PPP1R1C: variants seen among roughly 807,000 people sequenced by gnomAD.
The protein encoded by PPP1R1C is protein phosphatase 1 regulatory subunit 1C.
PPP1R1C carries 15 observed loss-of-function variants against 17.4 expected under a neutral mutation model. The ratio of observed to expected loss-of-function variants is 0.86; its 90% CI spans 0.58 to 1.33. The LOEUF is 1.33. Ranked by LOEUF, PPP1R1C falls within the 40% of genes most tolerant of loss-of-function variation. The pLI, the probability that PPP1R1C is intolerant of heterozygous loss-of-function variation, is 0.00. For missense variants in PPP1R1C, 143 were observed against 130.0 expected (o/e 1.10, Z -0.48); for synonymous variants, 35 against 43.1 (o/e 0.81, Z 0.73).
chr2:181,955,996 T>C (rs935603974), intron 1 of PPP1R1C, among the ~76,000 whole-genome samples: 7 of 152,170 alleles, frequency 4.6e-5, no homozygotes, highest in African/African-American at 1.7e-4. Context: ...CCATCATCTA[T>C]GTTAGGTATT....
chr2:182,053,173 T>G (rs1051919211), intron 2 of PPP1R1C, among the ~76,000 whole-genome samples: 24 of 152,202 alleles, frequency 1.6e-4, no homozygotes, highest in African/African-American at 5.8e-4. Context: ...TAGGACAAAA[T>G]TAGCTTTGGA....
chr2:182,110,303 T>A (rs1363668363), intron 4 of PPP1R1C, among the ~76,000 whole-genome samples: 1 of 152,174 alleles, frequency 6.6e-6, no homozygotes, highest in Non-Finnish European at 1.5e-5. Flanking sequence ...CATTGTTATA[T>A]GTTAATTAAA....
At chr2:182,040,119 A>G (rs1442574785) in intron 2 of PPP1R1C, among the ~76,000 whole-genome samples, 1 of 152,210 alleles carries the variant, frequency 6.6e-6, no homozygotes, top group East Asian at 1.9e-4. Context: ...AAACATATGC[A>G]TGTGGGTGCT....
At chr2:182,076,878 A>C (rs2125209584) in intron 4 of PPP1R1C, among the ~76,000 whole-genome samples, 1 of 152,300 alleles carries the variant, frequency 6.6e-6, no homozygotes, top group South Asian at 2.1e-4. Flanking sequence ...AAAGATTCTT[A>C]GCCTATCTGA....
chr2:182,065,346 G>A (rs1248917500), intron 4 of PPP1R1C, among the ~76,000 whole-genome samples: 1 of 152,014 alleles, frequency 6.6e-6, no homozygotes, highest in Non-Finnish European at 1.5e-5. Context: ...TATTTTATTT[G>A]GTTTACCTGT....
In PPP1R1C at chr2:182,126,517, A is replaced by C. The variant is rs1689878678; in HGVS notation, c.*7-2457A>C. Among the ~76,000 whole-genome samples the C allele has an allele frequency of 2.0e-5, 3 of 152,038 alleles. No individual in the cohort carries two copies. The South Asian group carries it at 6.2e-4, about 32-fold the overall frequency. ...TATATCAGAGAAGAGCTTTATAAAA[A>C]TGCTAGGGGGAATGTTTGGTTTTAA... On this transcript the variant is annotated intron_variant, in intron 5 of 5. Transcript: ENST00000280295.
intron 4 of PPP1R1C, among the ~76,000 whole-genome samples, chr2:182,071,706 T>A (rs141441633): frequency 6.6e-6 from 1 of 152,238 alleles, no homozygotes; most frequent in Non-Finnish European, 1.5e-5. Context: ...TTGATTTATC[T>A]GTTCATTTAT....
intron 4 of PPP1R1C, among the ~76,000 whole-genome samples, chr2:182,072,535 C>G (rs1380177027): frequency 6.6e-6 from 1 of 152,062 alleles, no homozygotes; most frequent in Non-Finnish European, 1.5e-5. Flanking sequence ...AGCAGGGTTC[C>G]CATGTTAAGT....
At chr2:182,124,974 A>G (rs1689839713) in intron 5 of PPP1R1C, among the ~76,000 whole-genome samples, 1 of 151,864 alleles carries the variant, frequency 6.6e-6, no homozygotes. Context: ...CTTGCATAAG[A>G]CAAAGTTTTC....
intron 2 of PPP1R1C, among the ~76,000 whole-genome samples, chr2:181,996,171 C>T (rs1478120471): frequency 6.6e-6 from 1 of 152,160 alleles, no homozygotes; most frequent in Non-Finnish European, 1.5e-5. Flanking sequence ...TTACCTTTTG[C>T]AGTTGTTGCT....
chr2:182,081,327 A>AT (rs1190506300), intron 4 of PPP1R1C, among the ~76,000 whole-genome samples: 1 of 152,072 alleles, frequency 6.6e-6, no homozygotes, highest in African/African-American at 2.4e-5. Context: ...GTATTGTATA[A>AT]TTTTTTTTCA....
chr2:182,123,695 G>A lies in PPP1R1C; in HGVS notation c.*7-5279G>A, dbSNP rs368475445. On this transcript the variant is annotated intron_variant, in intron 5 of 5. Transcript: ENST00000280295. The stretch of plus-strand genomic sequence containing the variant: ...CGTATCCTTTGCCCACTTTTTGATG[G>A]GGTTGTTTGTTTTTTTCTTGTAAAT... Among the ~76,000 whole-genome samples the A allele has an allele frequency of 1.2e-3, 188 of 152,114 alleles. 2 individuals carry two copies. The highest frequency in any genetic ancestry group is 6.2e-3 in the South Asian group (30 of 4,824).
At chr2:182,015,042 A>G (rs1476379707) in intron 2 of PPP1R1C, among the ~76,000 whole-genome samples, 1 of 152,148 alleles carries the variant, frequency 6.6e-6, no homozygotes. Context: ...GCTCTACTCC[A>G]TTGTGACTGA....
chr2:182,088,944 A>G lies in PPP1R1C; in HGVS notation c.241+25153A>G, dbSNP rs556356837. On this transcript the variant is annotated intron_variant, in intron 4 of 4. Transcript: ENST00000682840. ...TTTACTCTATCTTAATAAAATCCCA[A>G]TAGGAACTAGAAACTCTAGGCCTTT... 5.9e-5 allele frequency among the ~76,000 whole-genome samples: 9 copies of G among 152,336 alleles called. No individual in the cohort carries two copies. In the South Asian group the frequency reaches 1.0e-3, roughly 18 times the overall value.
At chr2:182,046,656 T>C (rs1687356308) in intron 2 of PPP1R1C, among the ~76,000 whole-genome samples, 1 of 151,612 alleles carries the variant, frequency 6.6e-6, no homozygotes. Flanking sequence ...GGAGAATCAC[T>C]TGAACCCAGG....
intron 1 of PPP1R1C, among the ~76,000 whole-genome samples, chr2:181,959,431 T>G (rs1303102748): frequency 6.6e-6 from 1 of 150,450 alleles, no homozygotes; most frequent in Non-Finnish European, 1.5e-5. Context: ...TTAATGGTTA[T>G]GTCTATTTAA....
intron 2 of PPP1R1C, among the ~76,000 whole-genome samples, chr2:182,006,247 T>C (rs560583408): frequency 7.2e-5 from 11 of 152,272 alleles, no homozygotes. Flanking sequence ...AAAGACTTCA[T>C]GATATATGGA....
intron 4 of PPP1R1C, among the ~76,000 whole-genome samples, chr2:182,108,463 C>T (rs1021969744): frequency 2.0e-5 from 3 of 152,162 alleles, no homozygotes; most frequent in African/African-American, 4.8e-5. Flanking sequence ...TTCCCTTTCT[C>T]GGGGATCTTC....
At chr2:182,002,498 A>G (rs1433748112) in intron 2 of PPP1R1C, among the ~76,000 whole-genome samples, 1 of 152,088 alleles carries the variant, frequency 6.6e-6, no homozygotes, top group Non-Finnish European at 1.5e-5. Flanking sequence ...TTGTTTCCAC[A>G]GAAGTTATTG....
Sources: gnomAD v4.1 joint callset for allele counts (sites outside exome capture counted in the v4.1 genomes callset) on GRCh38, gnomAD v4.1.1 for gene constraint, MANE v1.5 for transcripts, NCBI Gene and HGNC (gene_info 2026-07-23, HGNC 2026-07-21) for gene names.